The following RAB32 variants were observed in gnomAD, a reference collection of about 807,000 sequenced individuals.
The protein encoded by RAB32 is RAB32, member RAS oncogene family.
RAB32 carries 17 observed loss-of-function variants against 17.5 expected under a neutral mutation model. The observed-to-expected ratio is 0.97, with a 90% CI of 0.67 to 1.46. The LOEUF is 1.46. Ranked by LOEUF, RAB32 falls within the 40% of genes most tolerant of loss-of-function variation. The pLI is 0.00. For missense variants in RAB32, 288 were observed against 284.3 expected, an observed-to-expected ratio of 1.01 and a Z score of -0.09; for synonymous variants, 115 against 111.1, an observed-to-expected ratio of 1.04 and a Z score of -0.22.
intron 1 of RAB32, among the ~76,000 whole-genome samples, chr6:146,546,266 C>A (rs1032680586): frequency 6.6e-6 from 1 of 152,012 alleles, no homozygotes; most frequent in Non-Finnish European, 1.5e-5. Flanking sequence ...GATATTGTTT[C>A]AACAGGTATT....
rs779396180 is a variant in RAB32 at position 146,554,584 on chromosome 6, G to C, written c.657G>C (p.Glu219Asp). ...IKLDQETLRA[E>D]NKSQCC ...TAGATCAAGAGACCTTGAGAGCAGA[G>C]AACAAATCCCAGTGTTGCTGATATA... The change falls in exon 3 of 3, where the codon GAG (glutamate) becomes GAC (aspartate). Residue 219 changes from glutamate to aspartate, a missense_variant. By Grantham distance (45) the Glu-to-Asp change is conservative. Coordinates refer to ENST00000367495, the MANE Select transcript of RAB32 (RefSeq NM_006834.5). 6.2e-7 allele frequency: 1 copy of C among 1,612,758 alleles called. No individual in the cohort carries two copies.
intron 2 of RAB32, among the ~76,000 whole-genome samples, chr6:146,554,236 C>T (rs887311472): frequency 6.6e-6 from 1 of 152,026 alleles, no homozygotes; most frequent in Non-Finnish European, 1.5e-5. Flanking sequence ...ATAGGAACAT[C>T]AGAAAAGGTG....
At position 146,554,566 on chromosome 6, in the gene RAB32, A is replaced by G. The variant is rs1247341479; in HGVS notation, c.639A>G (p.Gln213=). ...ATGTGGACAAAATTAAGCTAGATCA[A>G]GAGACCTTGAGAGCAGAGAACAAAT... ...ENDVDKIKLD[Q]ETLRAENKSQ... is the part of the protein sequence containing the mutation. The change falls in exon 3 of 3, where the codon CAA becomes CAG. Residue 213 remains glutamine (Q), a synonymous_variant. Transcript: ENST00000367495. 2.5e-6 allele frequency: 4 copies of G among 1,613,722 alleles called. No individual in the cohort carries two copies. The South Asian group carries it at 4.4e-5, about 18-fold the overall frequency.
chr6:146,550,149 A>T lies in RAB32; in HGVS notation c.528+408A>T, dbSNP rs188458686. ...GTCACATGCAGGACCATGTGAAAAG[A>T]TCAGAGAGGAGATTTATTCAGATGA... is the stretch of plus-strand genomic sequence containing the variant. On this transcript the variant is annotated intron_variant, in intron 2 of 2. Transcript: ENST00000367495. Among the ~76,000 whole-genome samples, 497 of 152,302 alleles carry T rather than the reference A, an allele frequency of 3.3e-3. 2 individuals carry two copies. Among genetic ancestry groups the T allele is most frequent in the Admixed American group, 7.3e-3 (112 of 15,300 alleles).
At chr6:146,551,868 A>G (rs565818449) in intron 2 of RAB32, among the ~76,000 whole-genome samples, 1 of 152,314 alleles carries the variant, frequency 6.6e-6, no homozygotes, top group Non-Finnish European at 1.5e-5. Context: ...CTGTGCTTCC[A>G]TACAAATATA....
At position 146,554,443 on chromosome 6, in the gene RAB32, T is replaced by C. The variant is rs757226433; in HGVS notation, c.529-13T>C. Reference sequence around the variant, plus strand: ...CCTAAAAATTAATCCCGTTCTTCATTTCTGCATTACAGGATAACATAAACA... The same window carrying C: ...CCTAAAAATTAATCCCGTTCTTCATCTCTGCATTACAGGATAACATAAACA... On this transcript the variant is annotated splice_polypyrimidine_tract_variant and intron_variant, in intron 2 of 2. Coordinates refer to ENST00000367495, the MANE Select transcript of RAB32 (RefSeq NM_006834.5). 2.5e-6 allele frequency: 4 copies of C among 1,592,168 alleles called. No homozygotes were observed. Among genetic ancestry groups the C allele is most frequent in the East Asian group, 4.5e-5 (2 of 44,770 alleles).
In RAB32 at chr6:146,554,544, T is replaced by C. The variant is rs1779936139; in HGVS notation, c.617T>C (p.Val206Ala). The change falls in exon 3 of 3, where the codon GTG (valine) becomes GCG (alanine). Residue 206 changes from valine (V) to alanine (A), a missense_variant. Val to Ala is a moderately conservative substitution (Grantham distance 64). Transcript: ENST00000367495. ...AGCTTTCCTAATGAAGAAAACGATG[T>C]GGACAAAATTAAGCTAGATCAAGAG... The part of the protein sequence containing the change: ...HQSFPNEEND[V>A]DKIKLDQETL... 6.2e-7 allele frequency: 1 copy of C among 1,613,766 alleles called. No individual in the cohort carries two copies. The highest frequency in any genetic ancestry group is 1.7e-5 in the Admixed American group (1 of 59,978).
At chr6:146,553,844 T>A (rs768167424) in intron 2 of RAB32, among the ~76,000 whole-genome samples, 1 of 152,058 alleles carries the variant, frequency 6.6e-6, no homozygotes, top group South Asian at 2.1e-4. Context: ...ATAAGCACAG[T>A]TTTTGCAATG....
chr6:146,546,782 G>GTTTTTTTT (rs962778741), intron 1 of RAB32, among the ~76,000 whole-genome samples: 1 of 118,518 alleles, frequency 8.4e-6, no homozygotes, highest in African/African-American at 3.5e-5. Flanking sequence ...TACTAGTTAG[G>GTTTTTTTT]TTTTTTTTTT....
chr6:146,552,987 A>G (rs1045630075), intron 2 of RAB32, among the ~76,000 whole-genome samples: 1 of 152,258 alleles, frequency 6.6e-6, no homozygotes, highest in African/African-American at 2.4e-5. Context: ...TTCAACTTAT[A>G]GAGTAAACTA....
At chr6:146,553,914 CTAA>C (rs769015263) in intron 2 of RAB32, among the ~76,000 whole-genome samples, 21 of 152,278 alleles carry the variant, frequency 1.4e-4, no homozygotes, top group Non-Finnish European at 2.8e-4. Flanking sequence ...GCTGTGACGG[CTAA>C]TAATTCCTTA....
chr6:146,548,939 T>C (rs1354002580), intron 1 of RAB32, among the ~76,000 whole-genome samples: 1 of 152,188 alleles, frequency 6.6e-6, no homozygotes, highest in Non-Finnish European at 1.5e-5. Flanking sequence ...AGGGGTGAAA[T>C]CTTGCATATT....
At chr6:146,546,633 C>A (rs1362431174) in intron 1 of RAB32, among the ~76,000 whole-genome samples, 1 of 152,006 alleles carries the variant, frequency 6.6e-6, no homozygotes, top group African/African-American at 2.4e-5. Context: ...ACAAACTTCC[C>A]CCAGGGCTAA....
At chr6:146,549,847 G>A in intron 2 of RAB32, 106 bp downstream of exon 2, 8 of 1,286,010 alleles carry the variant, frequency 6.2e-6, no homozygotes, top group Non-Finnish European at 4.2e-6. Flanking sequence ...TGAAAGTCTG[G>A]AAAATGAGAA....
intron 2 of RAB32, among the ~76,000 whole-genome samples, chr6:146,550,384 C>T (rs1779882034): frequency 6.6e-6 from 1 of 152,150 alleles, no homozygotes; most frequent in Non-Finnish European, 1.5e-5. Flanking sequence ...CACGGTGGCT[C>T]ATGCCTGTAA....
chr6:146,552,620 A>G (rs1216681221), intron 2 of RAB32, among the ~76,000 whole-genome samples: 1 of 152,200 alleles, frequency 6.6e-6, no homozygotes, highest in Admixed American at 6.5e-5. Flanking sequence ...GTGTAAACAG[A>G]TAAAGAAGTT....
rs552074994 is a variant in RAB32, at chr6:146,552,725, C to G, written c.529-1731C>G. On this transcript the variant is annotated intron_variant, in intron 2 of 2. Coordinates refer to ENST00000367495, the MANE Select transcript of RAB32 (RefSeq NM_006834.5). ...TGACACCACAGAACCAATTAACTTA[C>G]CTCGTGCTCAAAATTCGGTTTTTAA... Among the ~76,000 whole-genome samples, 4 of 152,258 alleles carry G rather than the reference C, an allele frequency of 2.6e-5. No individual in the cohort carries two copies. The East Asian group carries it at 5.8e-4, about 22-fold the overall frequency.
chr6:146,551,162 A>T (rs148297365), intron 2 of RAB32, among the ~76,000 whole-genome samples: 14 of 152,344 alleles, frequency 9.2e-5, no homozygotes, highest in African/African-American at 3.1e-4. Flanking sequence ...TGCAGGCAGA[A>T]ATGTACACTC....
Position 146,554,725 on chromosome 6 carries a change from C to T in RAB32, c.*120C>T. ...TGTGGCACTTCAAAAGGCAGCACCA[C>T]TGGGCGCCTGCACTTATTTGAAAAT... On this transcript the variant is annotated 3_prime_UTR_variant, in exon 3 of 3. Transcript: ENST00000367495. 1 of 1,092,876 alleles carries T rather than the reference C, an allele frequency of 9.2e-7. No homozygotes were observed. The highest frequency in any genetic ancestry group is 1.3e-6 in the Non-Finnish European group (1 of 769,274). The allele number at this position is 1,092,876 out of a possible 1,614,324, so 67.7% of individuals were successfully genotyped here.
Sources: allele counts gnomAD v4.1 joint callset (sites outside exome capture counted in the v4.1 genomes callset), GRCh38; gene constraint gnomAD v4.1.1; transcripts MANE v1.5; gene names NCBI Gene and HGNC (gene_info 2026-07-23, HGNC 2026-07-21).